The following ZNF429 variants were observed in gnomAD, a reference collection of about 807,000 sequenced individuals.
ZNF429 encodes the protein zinc finger protein 429.
Under a neutral mutation model 56.8 loss-of-function variants are expected in ZNF429, and 53 were observed. The observed-to-expected ratio is 0.93, with a 90% CI of 0.75 to 1.17. The LOEUF is 1.17. Among genes scored for constraint, ZNF429 ranks in the 50% most tolerant of loss-of-function variants. The pLI is 0.00. For synonymous variants in ZNF429, 278 were observed against 264.7 expected, an observed-to-expected ratio of 1.05 and a Z score of -0.49; for missense variants, 849 against 788.4, an observed-to-expected ratio of 1.08 and a Z score of -0.92.
intron 1 of ZNF429, among the ~76,000 whole-genome samples, chr19:21,512,683 AAGG>A (rs1323977337): frequency 2.8e-5 from 4 of 142,204 alleles, no homozygotes; most frequent in Non-Finnish European, 6.2e-5. Context: ...AAAAAAAAAA[AAGG>A]AGGAAAGAAT....
In ZNF429 at chr19:21,536,719, T is replaced by A. The variant is rs772270406; in HGVS notation, c.666T>A (p.Ile222=). Residue 222 remains isoleucine (I), a synonymous_variant, in exon 4 of 4, where the codon ATT becomes ATA. Coordinates refer to ENST00000358491, the MANE Select transcript of ZNF429 (RefSeq NM_001001415.4). ...CAGCCCTTACTAACCATAAGAGAAT[T>A]TATGTTGGTGAGAAACACTACAGAT... is the stretch of plus-strand genomic sequence containing the variant. ...QSSALTNHKR[I]YVGEKHYRCE... The A allele has an allele frequency of 6.2e-7, 1 of 1,613,996 alleles. No individual in the cohort carries two copies. Among genetic ancestry groups the A allele is most frequent in the Non-Finnish European group, 8.5e-7 (1 of 1,180,006 alleles).
At chr19:21,514,898 C>CCTATTTGGAT (rs2032667527) in intron 1 of ZNF429, among the ~76,000 whole-genome samples, 1 of 151,286 alleles carries the variant, frequency 6.6e-6, no homozygotes, top group South Asian at 2.1e-4. Context: ...TGTGCCTGGC[C>CCTATTTGGAT]ACCATATATA....
intron 1 of ZNF429, among the ~76,000 whole-genome samples, chr19:21,514,510 T>C (rs2032646127): frequency 1.3e-5 from 2 of 152,182 alleles, no homozygotes; most frequent in Admixed American, 1.3e-4. Context: ...GGACATGATC[T>C]TGTTCTTTTT....
chr19:21,535,707 G>A, intron 3 of ZNF429, among the ~76,000 whole-genome samples: 2 of 151,650 alleles, frequency 1.3e-5, no homozygotes, highest in East Asian at 1.9e-4. Flanking sequence ...GTAGAGACAG[G>A]GTTTCACCAT....
Position 21,536,841 on chromosome 19 carries a change from G to T in ZNF429, c.788G>T (p.Gly263Val), listed in dbSNP as rs1328424670. Reference protein sequence around the residue: ...GEKPYKCKECGKAFSRYSTLT... With the variant: ...GEKPYKCKECVKAFSRYSTLT... ...AAACCCTACAAATGTAAAGAATGTG[G>T]CAAAGCCTTTAGCAGGTACTCAACC... Residue 263 changes from glycine to valine, a missense_variant, in exon 4 of 4, where the codon GGC becomes GTC. By Grantham distance (109) the Gly-to-Val change is moderately radical (BLOSUM62 -3). Coordinates refer to ENST00000358491, the MANE Select transcript of ZNF429 (RefSeq NM_001001415.4). The T allele has an allele frequency of 1.9e-6, 3 of 1,613,796 alleles. No homozygotes were observed. The highest frequency in any genetic ancestry group is 3.3e-5 in the Admixed American group (2 of 60,010).
intron 1 of ZNF429, among the ~76,000 whole-genome samples, chr19:21,526,937 T>C (rs2033192488): frequency 6.6e-6 from 1 of 152,212 alleles, no homozygotes. Context: ...TGCAATCTAG[T>C]CCTGCCTCCC....
At chr19:21,535,412 TTTTCTTTCTTTCTTTC>T in intron 3 of ZNF429, among the ~76,000 whole-genome samples, 1,735 of 55,140 alleles carry the variant, frequency 0.031, 93 homozygotes, top group East Asian at 0.047. Flanking sequence ...TTTCTTTTTC[TTTTCTTTCTTTCTTTC>T]TTTCTTTCTT....
chr19:21,540,340 A>T lies in ZNF429; in HGVS notation c.*2262A>T, dbSNP rs1393473324. Reference sequence around the variant, plus strand: ...TTGCCAGTAGCTTTAACTGGCAGATAAGTTAATATTGTTCCCATAGGTTAA... The same window carrying T: ...TTGCCAGTAGCTTTAACTGGCAGATTAGTTAATATTGTTCCCATAGGTTAA... On this transcript the variant is annotated 3_prime_UTR_variant, in exon 4 of 4. Transcript: ENST00000358491. 6.6e-6 allele frequency among the ~76,000 whole-genome samples: 1 copy of T among 152,118 alleles called. No homozygotes were observed. Among genetic ancestry groups the T allele is most frequent in the Admixed American group, 6.6e-5 (1 of 15,264 alleles).
At chr19:21,519,503 C>CT (rs1158908634) in intron 1 of ZNF429, among the ~76,000 whole-genome samples, 1 of 152,206 alleles carries the variant, frequency 6.6e-6, no homozygotes, top group East Asian at 1.9e-4. Context: ...ATATGTAAGT[C>CT]TGAGTTATAA....
intron 1 of ZNF429, among the ~76,000 whole-genome samples, chr19:21,512,227 T>C (rs546481047): frequency 1.3e-5 from 2 of 152,138 alleles, no homozygotes; most frequent in Admixed American, 6.5e-5. Context: ...ATGGCACTGA[T>C]GGGAGTGTGG....
Position 21,535,323 on chromosome 19 carries a change from CTT to C in ZNF429, c.227-955_227-954del. On this transcript the variant is annotated intron_variant, in intron 3 of 3. Transcript: ENST00000358491. ...TCTTTCTTTCTTTCTTTCTTTCTTT[CTT>C]TCTCTTTTCTTTTCTTTCCTTTCCT... is the stretch of plus-strand genomic sequence containing the variant. Among the ~76,000 whole-genome samples the C allele has an allele frequency of 7.4e-3, 946 of 128,288 alleles. 106 individuals carry two copies. Among genetic ancestry groups the C allele is most frequent in the African/African-American group, 0.032 (880 of 27,572 alleles). 84.2% of individuals were successfully genotyped at this position (128,288 alleles called of 152,430 possible). A position where few individuals can be genotyped will look rare whatever the true frequency, so the allele number is the denominator to read the frequency against.
rs142490793 is a variant in ZNF429 at position 21,520,193 on chromosome 19, C to T, written c.4-9465C>T. Among the ~76,000 whole-genome samples the T allele has an allele frequency of 3.8e-3, 578 of 152,258 alleles. 3 individuals are homozygous for T. The highest frequency in any genetic ancestry group is 0.013 in the African/African-American group (534 of 41,546). ...GGATTTTTTTAGAACACCTTTTTCTCTTCTGCTTTTTCCTTCATAAACATT... is the reference window on the plus strand; with the variant it reads ...GGATTTTTTTAGAACACCTTTTTCTTTTCTGCTTTTTCCTTCATAAACATT... On this transcript the variant is annotated intron_variant, in intron 1 of 3. Transcript: ENST00000358491.
At chr19:21,514,498 A>G (rs545716701) in intron 1 of ZNF429, among the ~76,000 whole-genome samples, 5 of 152,218 alleles carry the variant, frequency 3.3e-5, no homozygotes, top group East Asian at 1.9e-4. Flanking sequence ...TGTTGCTGCA[A>G]AGGACATGAT....
chr19:21,535,867 A>T, intron 3 of ZNF429, among the ~76,000 whole-genome samples: 24,761 of 152,096 alleles, frequency 0.16, 2,105 homozygotes, highest in Middle Eastern at 0.2. Flanking sequence ...TAAATCCAGC[A>T]TCTGGTAATA....
At position 21,506,774 on chromosome 19, in the gene ZNF429, T is replaced by G. The variant is rs567138626; in HGVS notation, c.3+1000T>G. Among the ~76,000 whole-genome samples the G allele has an allele frequency of 3.6e-3, 522 of 145,678 alleles. 2 individuals are homozygous for G. The highest frequency in any genetic ancestry group is 0.012 in the African/African-American group (486 of 39,304). ...CATTTGAGTTAGTTTTTTGTTTTTT[T>G]TTTTTTTTTTTTGAGATGGAGTTTC... On this transcript the variant is annotated intron_variant, in intron 1 of 3. Coordinates refer to ENST00000358491, the MANE Select transcript of ZNF429 (RefSeq NM_001001415.4).
At chr19:21,508,926 C>T (rs1019025971) in intron 1 of ZNF429, among the ~76,000 whole-genome samples, 1 of 152,054 alleles carries the variant, frequency 6.6e-6, no homozygotes, top group Non-Finnish European at 1.5e-5. Context: ...TGTTCTATAT[C>T]CTGTTATCTT....
Position 21,530,592 on chromosome 19 carries a change from T to C in ZNF429, c.134T>C (p.Ile45Thr). The change falls in exon 3 of 4, where the codon ATT becomes ACT. Residue 45 changes from isoleucine (I) to threonine (T), a missense_variant. By Grantham distance (89) the Ile-to-Thr change is moderately conservative. Coordinates refer to ENST00000358491, the MANE Select transcript of ZNF429 (RefSeq NM_001001415.4). ...TTCTTTATTTTTAATAAAACAGGTA[T>C]TGCTGTTTCTAAGCCAGACCTAATC... ...ENYRNLVFLG[I>T]AVSKPDLITC... The C allele has an allele frequency of 1.3e-6, 2 of 1,596,218 alleles. No individual in the cohort carries two copies. Among genetic ancestry groups the C allele is most frequent in the Non-Finnish European group, 1.7e-6 (2 of 1,172,888 alleles).
intron 1 of ZNF429, among the ~76,000 whole-genome samples, chr19:21,514,862 G>A (rs976638694): frequency 2.0e-5 from 3 of 151,984 alleles, no homozygotes; most frequent in Admixed American, 1.3e-4. Context: ...GCCTCCCAAA[G>A]TGCTGGGATT....
chr19:21,510,462 ATAGAG>A (rs1279825719), intron 1 of ZNF429, among the ~76,000 whole-genome samples: 1 of 152,232 alleles, frequency 6.6e-6, no homozygotes, highest in East Asian at 1.9e-4. Context: ...GAGTGAGTTC[ATAGAG>A]TAAAGTGGAA....
Sources: allele counts gnomAD v4.1 joint callset (sites outside exome capture counted in the v4.1 genomes callset), GRCh38; gene constraint gnomAD v4.1.1; transcripts MANE v1.5; gene names NCBI Gene and HGNC (gene_info 2026-07-23, HGNC 2026-07-21).